The following TOPBP1 variants were observed in gnomAD, a reference collection of about 807,000 sequenced individuals.
TOPBP1 encodes DNA topoisomerase 2-binding protein 1.
TOPBP1 carries 28 observed loss-of-function variants against 167.7 expected under a neutral mutation model. The observed-to-expected ratio is 0.17, with a 90% CI of 0.12 to 0.23. The LOEUF is 0.23. Ranked by LOEUF, TOPBP1 falls within the 10% of genes least tolerant of loss-of-function variation. The pLI is 1.00. For synonymous variants in TOPBP1, 598 were observed against 611.4 expected (o/e 0.98, Z 0.32); for missense variants, 1,554 against 1,809.6 (o/e 0.86, Z 2.56).
chr3:133,645,185 T>C (rs1271884250), intron 10 of TOPBP1, among the ~76,000 whole-genome samples: 3 of 152,226 alleles, frequency 2.0e-5, no homozygotes, highest in African/African-American at 7.2e-5. Context: ...AATTGTAATA[T>C]ACATTAGGAA....
At chr3:133,611,209 C>T in intron 24 of TOPBP1, 68 bp from the exon 25 acceptor site, 1 of 1,428,138 alleles carries the variant, frequency 7.0e-7, no homozygotes, top group Non-Finnish European at 9.4e-7. Flanking sequence ...ATACAGGGCT[C>T]CTCAAGGAGC....
intron 22 of TOPBP1, 53 bp downstream of exon 22, chr3:133,617,107 C>T: frequency 2.4e-5 from 36 of 1,527,388 alleles, no homozygotes; most frequent in Non-Finnish European, 3.1e-5. Context: ...ATTTCTAATA[C>T]AGCCTAACAG....
intron 21 of TOPBP1, chr3:133,617,983 G>A (rs1180779922): frequency 1.2e-5 from 6 of 480,024 alleles, no homozygotes; most frequent in African/African-American, 3.9e-5. Context: ...AGAAAAAAAC[G>A]CCCAATTCTA....
intron 13 of TOPBP1, 32 bp from the exon 14 acceptor site, chr3:133,638,194 G>T: frequency 6.2e-7 from 1 of 1,600,704 alleles, no homozygotes; most frequent in Non-Finnish European, 8.5e-7. Context: ...AAACAAATAT[G>T]AGCCACTAAT....
At position 133,617,234 on chromosome 3, in the gene TOPBP1, T is replaced by A; in HGVS notation, c.3685A>T (p.Ile1229Phe). 1 of 1,613,826 alleles carries A rather than the reference T, an allele frequency of 6.2e-7. No individual in the cohort carries two copies. The highest frequency in any genetic ancestry group is 8.5e-7 in the Non-Finnish European group (1 of 1,179,844). Residue 1229 changes from isoleucine to phenylalanine, a missense_variant, in exon 22 of 28, where the codon ATC becomes TTC. Physicochemically the swap from Ile to Phe is conservative, Grantham distance 21 (BLOSUM62 0). This residue lies in a region of TOPBP1 where 351 missense variants were observed against 432.9 expected (regional missense o/e 0.81). Transcript: ENST00000260810. The part of the protein sequence containing the change: ...LETPIKDSHL[I>F]PTPQAPSIAF... ...ATACTGGGGGCTTGAGGCGTAGGGATCAGGTGGCTGTCTTTTATGGGAGTT... is the reference window on the plus strand; with the variant it reads ...ATACTGGGGGCTTGAGGCGTAGGGAACAGGTGGCTGTCTTTTATGGGAGTT...
intron 18 of TOPBP1, 57 bp from the exon 19 acceptor site, chr3:133,623,250 A>G (rs759228362): frequency 1.7e-5 from 28 of 1,611,902 alleles, no homozygotes; most frequent in Non-Finnish European, 2.1e-5. Context: ...AAGGTTTCAT[A>G]GCAATATATG....
At chr3:133,613,099 G>C (rs1934737595) in intron 23 of TOPBP1, among the ~76,000 whole-genome samples, 1 of 152,104 alleles carries the variant, frequency 6.6e-6, no homozygotes, top group Non-Finnish European at 1.5e-5. Flanking sequence ...GACCTCAAAT[G>C]ATCCACCTGC....
chr3:133,637,570 T>C (rs1178566683), intron 14 of TOPBP1, among the ~76,000 whole-genome samples: 1 of 152,224 alleles, frequency 6.6e-6, no homozygotes, highest in Non-Finnish European at 1.5e-5. Flanking sequence ...GCAAATATTA[T>C]CTTCTTTGTA....
chr3:133,616,233 C>A (rs1373994698), intron 23 of TOPBP1, among the ~76,000 whole-genome samples: 1 of 151,892 alleles, frequency 6.6e-6, no homozygotes, highest in Non-Finnish European at 1.5e-5. Context: ...GATTCTCTTG[C>A]CTCAGCCTCC....
At chr3:133,610,378 T>C (rs1342664371) in intron 25 of TOPBP1, among the ~76,000 whole-genome samples, 3 of 152,234 alleles carry the variant, frequency 2.0e-5, no homozygotes, top group Non-Finnish European at 4.4e-5. Flanking sequence ...CTTGTGTTCC[T>C]GAACTATGAA....
intron 27 of TOPBP1, among the ~76,000 whole-genome samples, chr3:133,604,842 C>T (rs565152195): frequency 2.0e-5 from 3 of 151,890 alleles, no homozygotes; most frequent in African/African-American, 7.2e-5. Flanking sequence ...TCACTTGAAC[C>T]TAGGAGGTGG....
Position 133,608,564 on chromosome 3 carries a change from T to C in TOPBP1, c.4396A>G (p.Thr1466Ala). 3.7e-6 allele frequency: 6 copies of C among 1,613,776 alleles called. No homozygotes were observed. Among genetic ancestry groups the C allele is most frequent in the Non-Finnish European group, 5.1e-6 (6 of 1,179,740 alleles). Residue 1466 changes from threonine to alanine, a missense_variant, in exon 27 of 28, where the codon ACA becomes GCA. This residue lies in a region of TOPBP1 where 351 missense variants were observed against 432.9 expected (regional missense o/e 0.81). Transcript: ENST00000260810. ...ATGAGATAATCAGCAATGTATTCTG[T>C]TCTCAAGCAGTACACGTTCTGGGCA... ...AAAQNVYCLRTEYIADYLMQE... is the reference protein window; with the variant it reads ...AAAQNVYCLRAEYIADYLMQE...
At chr3:133,647,116 A>G (rs988010616) in intron 10 of TOPBP1, among the ~76,000 whole-genome samples, 1 of 152,188 alleles carries the variant, frequency 6.6e-6, no homozygotes, top group Non-Finnish European at 1.5e-5. Context: ...ACATATCTTT[A>G]GTAAACAGAC....
chr3:133,661,160 A>G, intron 1 of TOPBP1, 26 bp from the exon 2 acceptor site: 1 of 1,521,700 alleles, frequency 6.6e-7, no homozygotes, highest in African/African-American at 1.4e-5. Flanking sequence ...AACCATTAAC[A>G]AGAACAAAAC....
At chr3:133,632,777 C>T (rs1935531164) in intron 14 of TOPBP1, among the ~76,000 whole-genome samples, 1 of 151,938 alleles carries the variant, frequency 6.6e-6, no homozygotes, top group Admixed American at 6.6e-5. Flanking sequence ...ATAGTTATTT[C>T]TTCTTCTTTT....
rs371493202 is a variant in TOPBP1, at chr3:133,608,577, C to T, written c.4383G>A (p.Val1461=). Residue 1461 remains valine, a synonymous_variant, in exon 27 of 28, where the codon GTG becomes GTA. Coordinates refer to ENST00000260810, the MANE Select transcript of TOPBP1 (RefSeq NM_007027.4). ...CAATGTATTCTGTTCTCAAGCAGTA[C>T]ACGTTCTGGGCAGCAGCTTCTGCTA... ...VNIAEAAAQN[V]YCLRTEYIAD... 5.0e-6 allele frequency: 8 copies of T among 1,613,698 alleles called. No homozygotes were observed. Among genetic ancestry groups the T allele is most frequent in the Non-Finnish European group, 6.8e-6 (8 of 1,179,792 alleles).
chr3:133,644,415 T>C, intron 10 of TOPBP1, 52 bp from the exon 11 acceptor site: 3 of 1,432,932 alleles, frequency 2.1e-6, no homozygotes, highest in Non-Finnish European at 2.8e-6. Flanking sequence ...TTATACAGTT[T>C]ACTTCCTAGC....
intron 10 of TOPBP1, among the ~76,000 whole-genome samples, chr3:133,648,973 A>G (rs528935970): frequency 5.9e-5 from 9 of 152,244 alleles, no homozygotes; most frequent in Non-Finnish European, 7.4e-5. Flanking sequence ...AATGATGTTT[A>G]TAATGCTTCA....
chr3:133,606,812 A>G (rs1295767185), intron 27 of TOPBP1, among the ~76,000 whole-genome samples: 1 of 152,160 alleles, frequency 6.6e-6, no homozygotes, highest in African/African-American at 2.4e-5. Flanking sequence ...TATATGGAAA[A>G]AAACCAGCCC....
Sources: allele counts gnomAD v4.1 joint callset (sites outside exome capture counted in the v4.1 genomes callset), GRCh38; gene constraint gnomAD v4.1.1; regional missense constraint gnomAD v4.1.1; transcripts MANE v1.5; gene names NCBI Gene and HGNC (gene_info 2026-07-23, HGNC 2026-07-21).